The following CFAP69 variants were observed in gnomAD, a reference collection of about 807,000 sequenced individuals.
The protein encoded by CFAP69 is cilia and flagella associated protein 69.
Under a neutral mutation model 123.0 loss-of-function variants are expected in CFAP69, and 92 were observed. The observed-to-expected ratio is 0.75, with a 90% CI of 0.63 to 0.89. The LOEUF (loss-of-function observed/expected upper bound fraction) is 0.89. Ranked by LOEUF, CFAP69 falls within the 40% of genes least tolerant of loss-of-function variation. The pLI is 0.00. For missense variants in CFAP69, 1,067 were observed against 1,096.9 expected (o/e 0.97, Z 0.39); for synonymous variants, 380 against 364.3 (o/e 1.04, Z -0.49).
chr7:90,290,315 T>C (rs1219860335), intron 15 of CFAP69, among the ~76,000 whole-genome samples: 6 of 152,136 alleles, frequency 3.9e-5, no homozygotes. Context: ...AAACCCAGTG[T>C]TCTGAGTGCC....
intron 14 of CFAP69, among the ~76,000 whole-genome samples, chr7:90,286,961 GCC>G (rs200547746): frequency 0.02 from 2,961 of 151,434 alleles, 93 homozygotes; most frequent in East Asian, 0.11. Flanking sequence ...TGTGGTGTGC[GCC>G]TGTAATCTCA....
chr7:90,261,182 C>T (rs530103049), intron 3 of CFAP69, among the ~76,000 whole-genome samples: 4 of 151,716 alleles, frequency 2.6e-5, no homozygotes, highest in Non-Finnish European at 5.9e-5. Context: ...CGGCTTCAAG[C>T]GATTCTCCTG....
intron 2 of CFAP69, among the ~76,000 whole-genome samples, chr7:90,256,345 A>G (rs1277348052): frequency 1.3e-5 from 2 of 152,104 alleles, no homozygotes; most frequent in Admixed American, 1.3e-4. Flanking sequence ...ACATGGACAC[A>G]GGGAGGGGAA....
intron 2 of CFAP69, among the ~76,000 whole-genome samples, chr7:90,257,746 A>G (rs566642168): frequency 2.6e-5 from 4 of 152,136 alleles, no homozygotes; most frequent in Admixed American, 2.6e-4. Flanking sequence ...GTATATATAG[A>G]CCATATTTTC....
At chr7:90,300,524 T>C in intron 17 of CFAP69, 1 of 666,318 alleles carries the variant, frequency 1.5e-6, no homozygotes, top group Non-Finnish European at 1.9e-6. Context: ...TATTGTTTCC[T>C]AAATAAAAAT....
At chr7:90,288,082 C>T (rs749623314) in intron 14 of CFAP69, 152 bp from the exon 15 acceptor site, 13 of 552,938 alleles carry the variant, frequency 2.4e-5, no homozygotes, top group Middle Eastern at 5.3e-4. Flanking sequence ...CAAGTAAGTA[C>T]GGTTTTTTAA....
In CFAP69 at chr7:90,264,103, AAATATATATATATATAT is replaced by A. The variant is rs1256142017; in HGVS notation, c.357-1196_357-1180del. On this transcript the variant is annotated intron_variant, in intron 4 of 22. Coordinates refer to ENST00000389297, the MANE Select transcript of CFAP69 (RefSeq NM_001039706.3). The stretch of plus-strand genomic sequence containing the variant: ...AAGACTCCATCTCGAAAAAAAAAAA[AAATATATATATATATAT>A]ATATATATATATATATATATATATA... Among the ~76,000 whole-genome samples the A allele has an allele frequency of 7.6e-4, 25 of 32,728 alleles. 5 individuals carry two copies. The highest frequency in any genetic ancestry group is 8.4e-4 in the African/African-American group (8 of 9,572). The allele number at this position is 32,728 out of a possible 152,430, so 21.5% of individuals were successfully genotyped here.
At chr7:90,280,407 G>A (rs1377033454) in intron 12 of CFAP69, among the ~76,000 whole-genome samples, 1 of 152,148 alleles carries the variant, frequency 6.6e-6, no homozygotes, top group Non-Finnish European at 1.5e-5. Flanking sequence ...TGTTGCCCCG[G>A]CTGGTCTCAA....
intron 15 of CFAP69, among the ~76,000 whole-genome samples, chr7:90,296,824 T>C (rs1416821363): frequency 6.6e-6 from 1 of 152,190 alleles, no homozygotes; most frequent in Non-Finnish European, 1.5e-5. Flanking sequence ...GATTGCTATC[T>C]GTTGAAATGG....
chr7:90,257,532 T>G (rs900424999), intron 2 of CFAP69, among the ~76,000 whole-genome samples: 1 of 152,156 alleles, frequency 6.6e-6, no homozygotes, highest in Non-Finnish European at 1.5e-5. Flanking sequence ...AAATATTCAC[T>G]AACACAGTCT....
chr7:90,254,941 G>T (rs1651662635), intron 1 of CFAP69, among the ~76,000 whole-genome samples: 1 of 152,152 alleles, frequency 6.6e-6, no homozygotes, highest in Admixed American at 6.5e-5. Flanking sequence ...AAATATTTAA[G>T]ATGTAAAATC....
intron 8 of CFAP69, 57 bp from the exon 9 acceptor site, chr7:90,273,930 G>T (rs1584410383): frequency 7.6e-7 from 1 of 1,310,376 alleles, no homozygotes. Flanking sequence ...ATTTTGGAGG[G>T]ACGCAAACAT....
rs1044843186 is a variant in CFAP69 at position 90,258,130 on chromosome 7, C to T, written c.213C>T (p.Val71=). The T allele has an allele frequency of 6.2e-7, 1 of 1,610,708 alleles. No homozygotes were observed. The highest frequency in any genetic ancestry group is 1.3e-5 in the African/African-American group (1 of 74,766). Residue 71 remains valine, a synonymous_variant, in exon 3 of 23, where the codon GTC becomes GTT. Coordinates refer to ENST00000389297, the MANE Select transcript of CFAP69 (RefSeq NM_001039706.3). ...DGLEEKQLKF[V]KKLVQCYQNG... ...TGGAAGAAAAACAACTTAAATTTGTCAAGAAACTGGTACAGTGTTATCAGA... is the reference window on the plus strand; with the variant it reads ...TGGAAGAAAAACAACTTAAATTTGTTAAGAAACTGGTACAGTGTTATCAGA...
At chr7:90,247,787 G>C (rs1441772653) in intron 1 of CFAP69, among the ~76,000 whole-genome samples, 2 of 152,198 alleles carry the variant, frequency 1.3e-5, no homozygotes, top group African/African-American at 4.8e-5. Context: ...AGAGGTTGAA[G>C]TGAGCCAAGA....
chr7:90,314,873 T>C (rs981388596), downstream of CFAP69, among the ~76,000 whole-genome samples: 29 of 143,460 alleles, frequency 2.0e-4, no homozygotes, highest in Non-Finnish European at 3.1e-4. Flanking sequence ...CTCCCCCCCC[T>C]GCTTTAAAAC....
chr7:90,265,428 A>T, intron 5 of CFAP69, 51 bp downstream of exon 5: 1 of 1,210,026 alleles, frequency 8.3e-7, no homozygotes, highest in Non-Finnish European at 1.2e-6. Flanking sequence ...GACAGGTCCT[A>T]CTGACAAGGG....
chr7:90,317,793 G>A, the CFAP69 span: 1 of 152,100 alleles, frequency 6.6e-6, no homozygotes, highest in African/African-American at 2.4e-5. Flanking sequence ...TACTTGTTCA[G>A]TATTATTTTA....
chr7:90,314,545 A>G (rs1016246627), downstream of CFAP69, among the ~76,000 whole-genome samples: 2 of 151,884 alleles, frequency 1.3e-5, no homozygotes, highest in Non-Finnish European at 2.9e-5. Flanking sequence ...AGGAGGATCA[A>G]TTGAGCCCAG....
the CFAP69 span, among the ~76,000 whole-genome samples, chr7:90,320,138 C>T: frequency 3.3e-5 from 5 of 152,192 alleles, no homozygotes; most frequent in Non-Finnish European, 5.9e-5. Flanking sequence ...CTCCTACCTA[C>T]CACAACACAT....
Sources: gnomAD v4.1 joint callset for allele counts (sites outside exome capture counted in the v4.1 genomes callset) on GRCh38, gnomAD v4.1.1 for gene constraint, MANE v1.5 for transcripts, NCBI Gene and HGNC (gene_info 2026-07-23, HGNC 2026-07-21) for gene names.